SLC25A13: variants seen among roughly 807,000 people sequenced by gnomAD.
SLC25A13 encodes the protein solute carrier family 25 member 13, also known as electrogenic aspartate/glutamate antiporter SLC25A13, mitochondrial.
In SLC25A13, 70 loss-of-function variants were observed where a neutral mutation model predicts 85.5. The ratio of observed to expected loss-of-function variants is 0.82; its 90% CI spans 0.68 to 1.00. The LOEUF (loss-of-function observed/expected upper bound fraction) is 1.00. Ranked by LOEUF, SLC25A13 falls within the 50% of genes least tolerant of loss-of-function variation. SLC25A13 has a pLI of 0.00. For missense variants in SLC25A13, 765 were observed against 819.8 expected (o/e 0.93, Z 0.82); for synonymous variants, 259 against 288.7 (o/e 0.90, Z 1.04).
chr7:96,316,992 C>G (rs1250627747), intron 1 of SLC25A13, among the ~76,000 whole-genome samples: 1 of 152,064 alleles, frequency 6.6e-6, no homozygotes. Flanking sequence ...TTTTTTGAGA[C>G]AGAGTCTTGC....
At chr7:96,287,086 G>A (rs904892253) in intron 2 of SLC25A13, among the ~76,000 whole-genome samples, 1 of 152,246 alleles carries the variant, frequency 6.6e-6, no homozygotes, top group African/African-American at 2.4e-5. Flanking sequence ...AATGCTTACT[G>A]CTGATCCATA....
intron 2 of SLC25A13, among the ~76,000 whole-genome samples, chr7:96,279,735 G>A (rs1194659055): frequency 6.6e-6 from 1 of 152,148 alleles, no homozygotes; most frequent in African/African-American, 2.4e-5. Flanking sequence ...GAGTTTATCT[G>A]AGTTTTTTTA....
chr7:96,307,969 C>G (rs544637778), intron 1 of SLC25A13, among the ~76,000 whole-genome samples: 1 of 151,776 alleles, frequency 6.6e-6, no homozygotes, highest in Non-Finnish European at 1.5e-5. Flanking sequence ...CTGACCACCA[C>G]GGAGAAACTC....
intron 3 of SLC25A13, among the ~76,000 whole-genome samples, chr7:96,253,296 G>A (rs539384000): frequency 6.6e-6 from 1 of 152,242 alleles, no homozygotes; most frequent in South Asian, 2.1e-4. Context: ...GTGAGGAAAG[G>A]AATAAGAGAG....
intron 1 of SLC25A13, among the ~76,000 whole-genome samples, chr7:96,314,266 AG>A (rs1486884653): frequency 9.9e-5 from 15 of 152,244 alleles, no homozygotes; most frequent in African/African-American, 3.6e-4. Context: ...CGAGAAAGAA[AG>A]GGTAGGACAC....
intron 11 of SLC25A13, among the ~76,000 whole-genome samples, chr7:96,175,835 CTTATA>C (rs1475368110): frequency 1.3e-5 from 2 of 152,232 alleles, no homozygotes; most frequent in African/African-American, 4.8e-5. Flanking sequence ...CCCGAGCTTC[CTTATA>C]TTAAATGATT....
At chr7:96,157,590 G>C (rs1233460004) in intron 13 of SLC25A13, among the ~76,000 whole-genome samples, 1 of 152,116 alleles carries the variant, frequency 6.6e-6, no homozygotes, top group Non-Finnish European at 1.5e-5. Flanking sequence ...GATCACTTGA[G>C]GTCAGGAAAT....
chr7:96,131,185 T>A (rs1792014886), intron 15 of SLC25A13, among the ~76,000 whole-genome samples: 1 of 152,216 alleles, frequency 6.6e-6, no homozygotes, highest in South Asian at 2.1e-4. Flanking sequence ...TTATTTTCTA[T>A]CGATGTTTTC....
intron 3 of SLC25A13, among the ~76,000 whole-genome samples, chr7:96,248,269 G>A (rs1307495801): frequency 1.3e-5 from 2 of 152,038 alleles, no homozygotes; most frequent in Non-Finnish European, 2.9e-5. Context: ...TCATCAAATG[G>A]CACTACTACC....
intron 10 of SLC25A13, 146 bp downstream of exon 10, chr7:96,184,780 TC>T: frequency 1.3e-6 from 1 of 749,952 alleles, no homozygotes; most frequent in Non-Finnish European, 2.3e-6. Context: ...TTCCCTTTAC[TC>T]TTGCCCTACC....
intron 4 of SLC25A13, among the ~76,000 whole-genome samples, chr7:96,214,846 C>T (rs1406983052): frequency 6.6e-6 from 1 of 152,000 alleles, no homozygotes; most frequent in Non-Finnish European, 1.5e-5. Context: ...CTAAACACTA[C>T]AAAACAGCAT....
Position 96,215,906 on chromosome 7 carries a change from G to A in SLC25A13, c.329-6929C>T, listed in dbSNP as rs1192061983. 2.6e-5 allele frequency among the ~76,000 whole-genome samples: 4 copies of A among 152,092 alleles called. No homozygotes were observed. The East Asian group carries it at 5.8e-4, about 22-fold the overall frequency. ...ACGGTGGCTCACGCCTGTAATCCCA[G>A]CACTTTGGGAGGCCGAGATGGGCGG... On this transcript the variant is annotated intron_variant, in intron 4 of 17. Coordinates refer to ENST00000265631, the MANE Select transcript of SLC25A13 (RefSeq NM_014251.3).
intron 2 of SLC25A13, among the ~76,000 whole-genome samples, chr7:96,280,467 G>A (rs77499248): frequency 6.6e-6 from 1 of 152,078 alleles, no homozygotes; most frequent in Non-Finnish European, 1.5e-5. Context: ...TGTCATCCCA[G>A]CACTTTGGGA....
At chr7:96,288,790 C>T (rs1049681141) in intron 2 of SLC25A13, among the ~76,000 whole-genome samples, 2 of 152,152 alleles carry the variant, frequency 1.3e-5, no homozygotes, top group Admixed American at 1.3e-4. Flanking sequence ...CTGGGTGGAG[C>T]CCACCACAGC....
At position 96,120,965 on chromosome 7, in the gene SLC25A13, A is replaced by G. The variant is rs1320616847; in HGVS notation, c.*226T>C. ...AAATCCCATCAATTTTCAGATGCAAACAAAGGTTTCTGGGCAGAGGGCCAA... is the reference window on the plus strand; with the variant it reads ...AAATCCCATCAATTTTCAGATGCAAGCAAAGGTTTCTGGGCAGAGGGCCAA... On this transcript the variant is annotated 3_prime_UTR_variant, in exon 18 of 18. Transcript: ENST00000265631. 3 of 657,726 alleles carry G rather than the reference A, an allele frequency of 4.6e-6. No homozygotes were observed. Among genetic ancestry groups the G allele is most frequent in the Non-Finnish European group, 8.3e-6 (3 of 362,758 alleles). The allele number at this position is 657,726 out of a possible 1,614,324, so 40.7% of individuals were successfully genotyped here.
intron 3 of SLC25A13, among the ~76,000 whole-genome samples, chr7:96,256,493 G>A (rs1247091848): frequency 3.9e-5 from 6 of 152,118 alleles, no homozygotes; most frequent in African/African-American, 7.2e-5. Flanking sequence ...TAATGATAAA[G>A]GGATCAATCC....
intron 5 of SLC25A13, among the ~76,000 whole-genome samples, chr7:96,201,689 C>T (rs1298611772): frequency 6.6e-6 from 1 of 152,004 alleles, no homozygotes; most frequent in Non-Finnish European, 1.5e-5. Context: ...CTACTACAAG[C>T]GATTATTTTT....
intron 2 of SLC25A13, among the ~76,000 whole-genome samples, chr7:96,287,128 C>G (rs1358259434): frequency 6.6e-6 from 1 of 152,220 alleles, no homozygotes; most frequent in Non-Finnish European, 1.5e-5. Flanking sequence ...GGCACGGTCC[C>G]CACATTGCTG....
intron 1 of SLC25A13, among the ~76,000 whole-genome samples, chr7:96,301,464 C>G (rs1323117146): frequency 6.6e-6 from 1 of 152,072 alleles, no homozygotes; most frequent in African/African-American, 2.4e-5. Context: ...AATTTTAAAT[C>G]AAGTAACTGG....
Sources: allele counts gnomAD v4.1 joint callset (sites outside exome capture counted in the v4.1 genomes callset), GRCh38; gene constraint gnomAD v4.1.1; transcripts MANE v1.5; gene names NCBI Gene and HGNC (gene_info 2026-07-23, HGNC 2026-07-21).